Variants in LINGO1 observed in about 807,000 individuals in gnomAD.
LINGO1 encodes leucine rich repeat and Ig domain containing 1.
In LINGO1, 11 loss-of-function variants were observed where a neutral mutation model predicts 37.3. That is an observed-to-expected ratio of 0.29 (90% CI 0.19 to 0.49). The LOEUF is 0.49. LINGO1 is among the 20% of genes least tolerant of loss of function. The probability of loss-of-function intolerance (pLI) is 0.99; values close to 1 mark genes in which losing one functional copy is unlikely to be tolerated. For synonymous variants in LINGO1, 387 were observed against 403.0 expected (o/e 0.96, Z 0.48); for missense variants, 585 against 878.2 (o/e 0.67, Z 4.22).
rs112864904 is a variant in LINGO1, at chr15:77,691,734, G to C, written c.-280-833C>G. ...AACACTCCACGACAGAGATGACGGA[G>C]CAATTCACGGCACCCCTGCCAAGAG... On this transcript the variant is annotated intron_variant, in intron 1 of 3. Transcript: ENST00000559893. Among the ~76,000 whole-genome samples the C allele has an allele frequency of 1.0e-3, 158 of 151,150 alleles. 2 individuals carry two copies. The highest frequency in any genetic ancestry group is 3.7e-3 in the African/African-American group (151 of 40,550).
chr15:77,643,033 T>A (rs2074544819), intron 3 of LINGO1, among the ~76,000 whole-genome samples: 1 of 152,164 alleles, frequency 6.6e-6, no homozygotes, highest in Admixed American at 6.5e-5. Flanking sequence ...AGACAGAGAC[T>A]CACACACAGC....
At chr15:77,790,523 T>G (rs1466733591), upstream of LINGO1, among the ~76,000 whole-genome samples, 1 of 150,760 alleles carries the variant, frequency 6.6e-6, no homozygotes, top group Non-Finnish European at 1.5e-5. Flanking sequence ...GGGTGGGGGG[T>G]GGTCTTCCAA....
At chr15:77,813,431 C>T (rs1284483732) in intron 1 of LINGO1, among the ~76,000 whole-genome samples, 3 of 152,014 alleles carry the variant, frequency 2.0e-5, no homozygotes, top group African/African-American at 7.2e-5. Context: ...GGCAAGGTGC[C>T]GAGGGGTCAG....
At chr15:77,756,650 C>A (rs7162468) in intron 1 of LINGO1, among the ~76,000 whole-genome samples, 29,162 of 152,220 alleles carry the variant, frequency 0.19, 4,592 homozygotes, top group African/African-American at 0.44. Context: ...CCGCATCTGG[C>A]GTCTAACTGT....
At chr15:77,657,785 G>A (rs2074896792) in intron 3 of LINGO1, among the ~76,000 whole-genome samples, 1 of 152,198 alleles carries the variant, frequency 6.6e-6, no homozygotes, top group African/African-American at 2.4e-5. Flanking sequence ...GATGGACTTG[G>A]AGGCTCCGCC....
intron 2 of LINGO1, among the ~76,000 whole-genome samples, chr15:77,720,352 C>T (rs998187122): frequency 6.6e-5 from 10 of 152,266 alleles, no homozygotes; most frequent in East Asian, 1.9e-4. Flanking sequence ...TCCCGCCGCC[C>T]GCCAGGTCCA....
At chr15:77,672,886 C>T (rs1385226601) in intron 3 of LINGO1, among the ~76,000 whole-genome samples, 2 of 152,186 alleles carry the variant, frequency 1.3e-5, no homozygotes, top group Admixed American at 1.3e-4. Context: ...TGATCAATCA[C>T]CAAGTCTATT....
chr15:77,713,800 C>T (rs540249285), intron 2 of LINGO1, among the ~76,000 whole-genome samples: 1 of 152,228 alleles, frequency 6.6e-6, no homozygotes, highest in African/African-American at 2.4e-5. Context: ...TTTAGGAACC[C>T]TCTCCTGGCT....
At chr15:77,638,273 C>T (rs1370353667), upstream of LINGO1, among the ~76,000 whole-genome samples, 1 of 149,250 alleles carries the variant, frequency 6.7e-6, no homozygotes, top group East Asian at 2.0e-4. Context: ...CCCCTCAGCA[C>T]TACCCCCGCC....
At chr15:77,759,222 C>G (rs897524825) in intron 1 of LINGO1, among the ~76,000 whole-genome samples, 2 of 152,230 alleles carry the variant, frequency 1.3e-5, no homozygotes, top group East Asian at 3.8e-4. Context: ...CATTGCTTCC[C>G]CTTCCTTCAC....
chr15:77,670,365 T>A (rs776384041), intron 3 of LINGO1, among the ~76,000 whole-genome samples: 6 of 152,274 alleles, frequency 3.9e-5, no homozygotes, highest in Non-Finnish European at 8.8e-5. Context: ...TATATTTCAA[T>A]TTTTTAAAAC....
At chr15:77,624,398 G>A (rs545751035) in intron 1 of LINGO1, among the ~76,000 whole-genome samples, 1 of 152,230 alleles carries the variant, frequency 6.6e-6, no homozygotes, top group East Asian at 1.9e-4. Context: ...GTGATTGTCT[G>A]CCTGCTTGTC....
At chr15:77,808,689 G>A (rs1049848267) in intron 1 of LINGO1, among the ~76,000 whole-genome samples, 1 of 152,156 alleles carries the variant, frequency 6.6e-6, no homozygotes, top group Admixed American at 6.5e-5. Context: ...CATTAGCTGC[G>A]TGATCTCCAC....
chr15:77,740,280 C>T (rs936650181), intron 1 of LINGO1, among the ~76,000 whole-genome samples: 1 of 152,190 alleles, frequency 6.6e-6, no homozygotes, highest in East Asian at 1.9e-4. Context: ...GAAGGGTCTG[C>T]TCCCAGGAGT....
At chr15:77,633,173 C>G (rs2074319655), upstream of LINGO1, among the ~76,000 whole-genome samples, 1 of 152,030 alleles carries the variant, frequency 6.6e-6, no homozygotes. Flanking sequence ...TGCACACGGC[C>G]GCGCCCCTCC....
At chr15:77,623,547 G>T (rs909691102) in intron 1 of LINGO1, among the ~76,000 whole-genome samples, 2 of 152,196 alleles carry the variant, frequency 1.3e-5, no homozygotes, top group Non-Finnish European at 2.9e-5. Flanking sequence ...AGGTGGTGAG[G>T]CAACCCTGAG....
rs145852218 is a variant in LINGO1 at position 77,757,835 on chromosome 15, C to T, written c.-256-22782G>A. On this transcript the variant is annotated intron_variant, in intron 1 of 3. Coordinates refer to the LINGO1 transcript ENST00000561686. ...GCTCAGTCCCCAGCCCTGGCCCAGG[C>T]GCCAGGCATAGGCCCCCCATAAGGA... 1.5e-3 allele frequency among the ~76,000 whole-genome samples: 224 copies of T among 152,330 alleles called. 3 individuals are homozygous for T. Among genetic ancestry groups the T allele is most frequent in the Middle Eastern group, 6.8e-3 (2 of 294 alleles).
At position 77,708,868 on chromosome 15, in the gene LINGO1, C is replaced by T. The variant is rs1321161247; in HGVS notation, c.-194-17967G>A. ...GGCGGAGGTTGCAGTGAGCAGAGAT[C>T]GTACCACTGCACTCCACCCTGGGTG... On this transcript the variant is annotated intron_variant, in intron 2 of 3. Transcript: ENST00000561686. 3.9e-5 allele frequency among the ~76,000 whole-genome samples: 6 copies of T among 152,268 alleles called. No homozygotes were observed. The East Asian group carries it at 1.2e-3, about 29-fold the overall frequency.
rs551673308 is a variant in LINGO1 at position 77,722,973 on chromosome 15, G to A, written c.-195+12019C>T. Among the ~76,000 whole-genome samples the A allele has an allele frequency of 1.1e-4, 17 of 152,324 alleles. 1 individual carries two copies. Among genetic ancestry groups the A allele is most frequent in the African/African-American group, 3.4e-4 (14 of 41,572 alleles). ...CTTCACAGCGCCCCTGGAGGCTCCT[G>A]CAGTTCACAGAGTGGAGACAGACAG... is the stretch of plus-strand genomic sequence containing the variant. On this transcript the variant is annotated intron_variant, in intron 2 of 3. Transcript: ENST00000561686.
Sources: allele counts gnomAD v4.1 joint callset (sites outside exome capture counted in the v4.1 genomes callset), GRCh38; gene constraint gnomAD v4.1.1; transcripts MANE v1.5; gene names NCBI Gene and HGNC (gene_info 2026-07-23, HGNC 2026-07-21).